Variants in CCDC34 observed in about 807,000 individuals in gnomAD.
CCDC34 encodes the protein coiled-coil domain-containing protein 34.
CCDC34 carries 40 observed loss-of-function variants against 44.1 expected under a neutral mutation model. That is an observed-to-expected ratio of 0.91 (90% CI 0.70 to 1.18). The LOEUF is 1.18. CCDC34 is among the 50% of genes most tolerant of loss of function. CCDC34 has a pLI of 0.00. For synonymous variants in CCDC34, 159 were observed against 158.2 expected (o/e 1.01, Z -0.04); for missense variants, 466 against 452.3 (o/e 1.03, Z -0.28).
At chr11:27,358,871 C>T (rs766068267) in intron 1 of CCDC34, among the ~76,000 whole-genome samples, 2 of 151,838 alleles carry the variant, frequency 1.3e-5, no homozygotes, top group African/African-American at 2.4e-5. Flanking sequence ...TACAATCCTA[C>T]GTCAGTGAAT....
intron 1 of CCDC34, 95 bp from the exon 2 acceptor site, chr11:27,357,636 G>A: frequency 9.6e-7 from 1 of 1,038,944 alleles, no homozygotes; most frequent in Non-Finnish European, 1.4e-6. Context: ...AAACTTAATA[G>A]TGTATTTTCA....
chr11:27,340,598 G>A, intron 5 of CCDC34, 98 bp downstream of exon 5: 1 of 1,243,872 alleles, frequency 8.0e-7, no homozygotes, highest in African/African-American at 1.5e-5. Context: ...TAATTTGAAA[G>A]AAAAATAATT....
chr11:27,342,116 CT>C (rs1862368536), intron 3 of CCDC34, among the ~76,000 whole-genome samples: 1 of 151,948 alleles, frequency 6.6e-6, no homozygotes, highest in African/African-American at 2.4e-5. Flanking sequence ...AAACTTCTTT[CT>C]TTTGTAAATT....
At chr11:27,342,291 CTATA>C (rs34284661) in intron 3 of CCDC34, among the ~76,000 whole-genome samples, 79,198 of 139,024 alleles carry the variant, frequency 0.57, 22,294 homozygotes, top group Admixed American at 0.68. Flanking sequence ...AAAACAGGGG[CTATA>C]TATATATATA....
chr11:27,362,785 G>T, intron 1 of CCDC34, 51 bp downstream of exon 1: 3 of 1,582,742 alleles, frequency 1.9e-6, no homozygotes, highest in Non-Finnish European at 2.6e-6. Flanking sequence ...ACTTAAGAGG[G>T]TCTAAGGAAT....
intron 2 of CCDC34, among the ~76,000 whole-genome samples, chr11:27,355,480 C>A (rs549824867): frequency 3.9e-5 from 6 of 151,962 alleles, no homozygotes; most frequent in African/African-American, 1.4e-4. Context: ...AAAAATACAC[C>A]CCAATTCTGA....
chr11:27,343,861 G>A (rs929774275), intron 3 of CCDC34, among the ~76,000 whole-genome samples: 1 of 152,040 alleles, frequency 6.6e-6, no homozygotes, highest in East Asian at 1.9e-4. Context: ...TCATAGAGAC[G>A]GTGAGTGACA....
chr11:27,345,460 G>A (rs960551180), intron 3 of CCDC34, among the ~76,000 whole-genome samples: 14 of 152,076 alleles, frequency 9.2e-5, no homozygotes, highest in East Asian at 3.9e-4. Context: ...AACAGGCCCC[G>A]GTGTGTGATG....
rs1009606876 is a variant in CCDC34, at chr11:27,338,687, C to T, written c.*134G>A. Reference sequence around the variant, plus strand: ...AATATCTTCCTCAACTCTAAGGACTCCATATACAAATGCAAAAATTGCTAT... The same window carrying T: ...AATATCTTCCTCAACTCTAAGGACTTCATATACAAATGCAAAAATTGCTAT... On this transcript the variant is annotated 3_prime_UTR_variant, in exon 6 of 6. Transcript: ENST00000328697. 1.0e-4 allele frequency: 75 copies of T among 728,776 alleles called. No homozygotes were observed. In the African/African-American group the frequency reaches 1.3e-3, roughly 13 times the overall value. The allele number at this position is 728,776 out of a possible 1,614,324, so 45.1% of individuals were successfully genotyped here.
At chr11:27,343,553 A>C (rs2133339758) in intron 3 of CCDC34, among the ~76,000 whole-genome samples, 1 of 152,274 alleles carries the variant, frequency 6.6e-6, no homozygotes, top group Non-Finnish European at 1.5e-5. Context: ...GATTTTAACT[A>C]CTTCAAACTG....
At chr11:27,340,438 T>C (rs1396566627) in intron 5 of CCDC34, among the ~76,000 whole-genome samples, 2 of 152,214 alleles carry the variant, frequency 1.3e-5, no homozygotes, top group African/African-American at 4.8e-5. Flanking sequence ...CATTATTCAT[T>C]TCTTAATGTT....
intron 3 of CCDC34, chr11:27,349,287 A>G (rs1428554785): frequency 2.2e-6 from 2 of 919,344 alleles, no homozygotes; most frequent in South Asian, 5.0e-5. Flanking sequence ...CTTTCATGTT[A>G]TATCATGGGA....
intron 3 of CCDC34, among the ~76,000 whole-genome samples, chr11:27,347,888 C>G (rs1862455307): frequency 6.6e-6 from 1 of 151,942 alleles, no homozygotes; most frequent in Non-Finnish European, 1.5e-5. Context: ...CAAACTACAG[C>G]TCAATAGAAT....
At chr11:27,342,085 C>T (rs940203903) in intron 3 of CCDC34, among the ~76,000 whole-genome samples, 47 of 152,066 alleles carry the variant, frequency 3.1e-4, no homozygotes, top group African/African-American at 1.1e-3. Flanking sequence ...TCCCCAGCCA[C>T]ATGGAAGTGT....
At chr11:27,347,336 A>G (rs1248813788) in intron 3 of CCDC34, among the ~76,000 whole-genome samples, 1 of 152,202 alleles carries the variant, frequency 6.6e-6, no homozygotes, top group Non-Finnish European at 1.5e-5. Context: ...CATACTTACC[A>G]TATAGCCCAG....
intron 2 of CCDC34, among the ~76,000 whole-genome samples, chr11:27,356,008 A>ATTTTTTTTTT (rs34146389): frequency 4.0e-4 from 28 of 69,508 alleles, no homozygotes; most frequent in South Asian, 8.8e-4. Context: ...TGTTCCCAGG[A>ATTTTTTTTTT]TTTTTTTTTT....
chr11:27,353,541 T>G (rs1202150539), intron 2 of CCDC34, among the ~76,000 whole-genome samples: 2 of 152,166 alleles, frequency 1.3e-5, no homozygotes, highest in African/African-American at 4.8e-5. Context: ...TGCTTGATAA[T>G]TGATTCAATA....
chr11:27,351,995 A>G (rs140141666), intron 2 of CCDC34, among the ~76,000 whole-genome samples: 2 of 152,292 alleles, frequency 1.3e-5, no homozygotes, highest in African/African-American at 4.8e-5. Context: ...TCTTAATGAC[A>G]AAGGCTGAAG....
chr11:27,362,681 G>A (rs1248571911), intron 1 of CCDC34, among the ~76,000 whole-genome samples, 155 bp downstream of exon 1: 1 of 145,218 alleles, frequency 6.9e-6, no homozygotes, highest in Non-Finnish European at 1.5e-5. Flanking sequence ...AATTTGCACA[G>A]GGCTCTTTAT....
Sources: allele counts gnomAD v4.1 joint callset (sites outside exome capture counted in the v4.1 genomes callset), GRCh38; gene constraint gnomAD v4.1.1; transcripts MANE v1.5; gene names NCBI Gene and HGNC (gene_info 2026-07-23, HGNC 2026-07-21).